Variants in SARS2 observed in about 807,000 individuals in gnomAD.
The protein encoded by SARS2 is seryl-tRNA synthetase 2, mitochondrial.
In SARS2, 52 loss-of-function variants were observed where a neutral mutation model predicts 66.8. That is an observed-to-expected ratio of 0.78 (90% CI 0.62 to 0.98). The LOEUF (loss-of-function observed/expected upper bound fraction) is 0.98, where lower values mean the gene tolerates loss of function less well. Among genes scored for constraint, SARS2 ranks in the 50% least tolerant of loss-of-function variants. The probability of loss-of-function intolerance (pLI) is 0.00; values close to 1 mark genes in which losing one functional copy is unlikely to be tolerated. For synonymous variants in SARS2, 306 were observed against 281.4 expected (o/e 1.09, Z -0.87); for missense variants, 673 against 706.3 (o/e 0.95, Z 0.53).
chr19:38,915,767 C>T lies in SARS2; in HGVS notation c.1414-18G>A. The T allele has an allele frequency of 6.2e-7, 1 of 1,612,992 alleles. No homozygotes were observed. Among genetic ancestry groups the T allele is most frequent in the Non-Finnish European group, 8.5e-7 (1 of 1,179,916 alleles). The stretch of plus-strand genomic sequence containing the variant: ...GAGCCGTCCTGGGGACAGAGCAGAC[C>T]TCAGGACACTGCAGATGCCCCAGCC... On this transcript the variant is annotated intron_variant, in intron 15 of 15. Transcript: ENST00000221431.
chr19:38,920,852 GATAC>G (rs1374623983), intron 5 of SARS2, among the ~76,000 whole-genome samples: 2 of 149,570 alleles, frequency 1.3e-5, no homozygotes, highest in African/African-American at 5.0e-5. Context: ...AAGACACACA[GATAC>G]ATACACACAG....
In SARS2 at chr19:38,917,724, CG is replaced by C; in HGVS notation, c.1159del (p.Arg387GlyfsTer64). 1 of 1,605,666 alleles carries C rather than the reference CG, an allele frequency of 6.2e-7. No homozygotes were observed. The highest frequency in any genetic ancestry group is 8.5e-7 in the Non-Finnish European group (1 of 1,172,992). ...CTGGATCCCTGGCCCCTCTCCACAC[CG>C]GAAGTGCAAGCCCAGCTCTGTCAAG... Reference protein sequence around the residue: ...EILTELGLHFRVLDMPTQELG... With the variant: ...EILTELGLHFXVLDMPTQELG... On this transcript the variant is annotated frameshift_variant and splice_region_variant, in exon 12 of 16. Coordinates refer to ENST00000221431, the MANE Select transcript of SARS2 (RefSeq NM_017827.4). LOFTEE classifies it high-confidence loss of function.
intron 3 of SARS2, chr19:38,922,008 A>C: frequency 6.4e-7 from 1 of 1,552,324 alleles, no homozygotes; most frequent in Non-Finnish European, 8.7e-7. Context: ...TTACACAAGG[A>C]GAGAAAGCTG....
intron 6 of SARS2, 31 bp from the exon 7 acceptor site, chr19:38,919,898 T>G: frequency 6.3e-7 from 1 of 1,585,650 alleles, no homozygotes; most frequent in Non-Finnish European, 8.6e-7. Context: ...CGGGTGCACA[T>G]GGGCCAGGCT....
chr19:38,924,478 T>C (rs578211579), intron 2 of SARS2, among the ~76,000 whole-genome samples: 1 of 152,308 alleles, frequency 6.6e-6, no homozygotes, highest in South Asian at 2.1e-4. Flanking sequence ...ATTGTGTTGC[T>C]TTCATTGGTT....
At chr19:38,922,997 G>A (rs1319820059) in intron 2 of SARS2, among the ~76,000 whole-genome samples, 1 of 150,194 alleles carries the variant, frequency 6.7e-6, no homozygotes. Context: ...TCCACCTCCT[G>A]GGTTCACGCC....
chr19:38,920,502 A>G (rs1264161338), intron 5 of SARS2, among the ~76,000 whole-genome samples: 2 of 151,966 alleles, frequency 1.3e-5, no homozygotes, highest in Non-Finnish European at 2.9e-5. Flanking sequence ...AGAGTTGGGG[A>G]GAAAAAGCCC....
In SARS2 at chr19:38,930,584, G is replaced by T. The variant is rs1229638941; in HGVS notation, c.153C>A (p.Gly51=). 3 of 1,614,066 alleles carry T rather than the reference G, an allele frequency of 1.9e-6. No individual in the cohort carries two copies. Among genetic ancestry groups the T allele is most frequent in the Non-Finnish European group, 1.7e-6 (2 of 1,180,024 alleles). Residue 51 remains glycine (G), a synonymous_variant, in exon 1 of 16, where the codon GGC becomes GGA. Transcript: ENST00000221431. The part of the protein sequence containing the change: ...RNLLYEYARE[G]YSALPQLDIE... The stretch of plus-strand genomic sequence containing the variant: ...TGTCCAGCTGAGGGAGTGCGCTGTA[G>T]CCCTCGCGCGCATACTCGTACAGGA...
chr19:38,930,448 C>A (rs200958074), intron 1 of SARS2, 22 bp downstream of exon 1: 20 of 1,580,798 alleles, frequency 1.3e-5, no homozygotes, highest in Admixed American at 7.0e-5. Context: ...CTGCGCCCCC[C>A]GGCCGGCGCA....
rs141601933 is a variant in SARS2 at position 38,915,721 on chromosome 19, A to T, written c.1442T>A (p.Leu481His). The T allele has an allele frequency of 5.6e-6, 9 of 1,612,976 alleles. No homozygotes were observed. In the Admixed American group the frequency reaches 6.7e-5, roughly 12 times the overall value. ...CCGATCAGTGCCGAGGTAGGACTGG[A>T]GGGCAGGGGGCACGAGCACTGAGCC... is the stretch of plus-strand genomic sequence containing the variant. Reference protein sequence around the residue: ...KDGSVLVPPALQSYLGTDRIT... With the variant: ...KDGSVLVPPAHQSYLGTDRIT... The change falls in exon 16 of 16, where the codon CTC becomes CAC. Residue 481 changes from leucine (L) to histidine (H), a missense_variant. By Grantham distance (99) the Leu-to-His change is moderately conservative. Transcript: ENST00000221431.
At chr19:38,930,409 C>G in intron 1 of SARS2, 61 bp downstream of exon 1, 1 of 1,532,918 alleles carries the variant, frequency 6.5e-7, no homozygotes, top group East Asian at 2.3e-5. Context: ...GGGCATCTTG[C>G]AAACCCAATT....
At chr19:38,920,238 G>A (rs935308774) in intron 5 of SARS2, 89 bp from the exon 6 acceptor site, 1 of 1,030,160 alleles carries the variant, frequency 9.7e-7, no homozygotes, top group Non-Finnish European at 1.5e-6. Flanking sequence ...CAGAGAGGAG[G>A]GACGGTGAGA....
At chr19:38,918,995 G>A (rs1225944299) in intron 7 of SARS2, among the ~76,000 whole-genome samples, 182 bp from the exon 8 acceptor site, 1 of 152,156 alleles carries the variant, frequency 6.6e-6, no homozygotes, top group East Asian at 1.9e-4. Context: ...GATCACTTGA[G>A]GCCAGGAGTT....
rs751620378 is a variant in SARS2, at chr19:38,930,491, G to T, written c.246C>A (p.Arg82=). 6.2e-6 allele frequency: 10 copies of T among 1,601,640 alleles called. No homozygotes were observed. Among genetic ancestry groups the T allele is most frequent in the Non-Finnish European group, 8.5e-6 (10 of 1,172,166 alleles). ...HALELRKGEL[R]SADLPAIIST... ...TCACGATCGCGGGCAGGTCCGCCGA[G>T]CGCAGCTCCCCCTTGCGGAGCTCCA... is the stretch of plus-strand genomic sequence containing the variant. The change falls in exon 1 of 16, where the codon CGC becomes CGA. Residue 82 remains arginine (R), a synonymous_variant. Transcript: ENST00000221431.
intron 9 of SARS2, 111 bp downstream of exon 9, chr19:38,918,311 G>A (rs1974455095): frequency 1.7e-6 from 2 of 1,199,612 alleles, no homozygotes; most frequent in Non-Finnish European, 1.2e-6. Flanking sequence ...TGTTGGCCCT[G>A]GGGCTGCTGA....
Position 38,921,602 on chromosome 19 carries a change from G to A in SARS2, c.459C>T (p.Tyr153=). Residue 153 remains tyrosine, a synonymous_variant, in exon 4 of 16, where the codon TAC becomes TAT. Coordinates refer to ENST00000221431, the MANE Select transcript of SARS2 (RefSeq NM_017827.4). ...GCTCCTCAAGCTGGGCCTCCCTGGG[G>A]TACAGGTGAACAAGCTCCTTCCGGA... The part of the protein sequence containing the change: ...REIRKELVHL[Y]PREAQLEEQF... 6.2e-7 allele frequency: 1 copy of A among 1,614,220 alleles called. No individual in the cohort carries two copies. The highest frequency in any genetic ancestry group is 8.5e-7 in the Non-Finnish European group (1 of 1,180,044).
At chr19:38,922,306 A>C (rs764904375) in intron 2 of SARS2, 39 bp from the exon 3 acceptor site, 1 of 1,608,380 alleles carries the variant, frequency 6.2e-7, no homozygotes, top group African/African-American at 1.3e-5. Context: ...TAGGTTGACA[A>C]AGTCGAGGGT....
Position 38,926,181 on chromosome 19 carries a change from A to T in SARS2, c.363+24T>A, listed in dbSNP as rs755191056. On this transcript the variant is annotated intron_variant, in intron 2 of 15. Coordinates refer to ENST00000221431, the MANE Select transcript of SARS2 (RefSeq NM_017827.4). ...AGAGACACCCTCGTGGCCACTCCCC[A>T]CCTACTCAGGGCACCATGCTCACCA... The T allele has an allele frequency of 1.9e-6, 3 of 1,591,550 alleles. No individual in the cohort carries two copies. The Admixed American group carries it at 5.0e-5, about 27-fold the overall frequency.
chr19:38,920,129 C>T lies in SARS2; in HGVS notation c.610G>A (p.Gly204Ser). The change falls in exon 6 of 16, where the codon GGC becomes AGC. Residue 204 changes from glycine to serine, a missense_variant. Physicochemically the swap from Gly to Ser is moderately conservative, Grantham distance 56 (BLOSUM62 0). Transcript: ENST00000221431. Reference protein sequence around the residue: ...DKPVFSFQPRGHLEIGEKLDI... With the variant: ...DKPVFSFQPRSHLEIGEKLDI... ...AGTTTCTCGCCAATTTCCAGGTGGC[C>T]CCGAGGTTGGAAGGAGAAAACTGGA... 6.4e-7 allele frequency: 1 copy of T among 1,561,188 alleles called. No homozygotes were observed. Among genetic ancestry groups the T allele is most frequent in the Non-Finnish European group, 8.7e-7 (1 of 1,152,042 alleles).
Sources: allele counts gnomAD v4.1 joint callset (sites outside exome capture counted in the v4.1 genomes callset), GRCh38; gene constraint gnomAD v4.1.1; transcripts MANE v1.5; gene names NCBI Gene and HGNC (gene_info 2026-07-23, HGNC 2026-07-21).